BLOC1S3: variants seen among roughly 807,000 people sequenced by gnomAD.
The protein encoded by BLOC1S3 is biogenesis of lysosomal organelles complex 1 subunit 3, also known as biogenesis of lysosome-related organelles complex 1 subunit 3.
A neutral mutation model predicts 9.1 loss-of-function variants in BLOC1S3; 7 were observed. The ratio of observed to expected loss-of-function variants is 0.77; its 90% CI spans 0.44 to 1.45. The LOEUF is 1.45. Among genes scored for constraint, BLOC1S3 ranks in the 40% most tolerant of loss-of-function variants. The pLI, the probability that BLOC1S3 is intolerant of heterozygous loss-of-function variation, is 0.01. For synonymous variants in BLOC1S3, 145 were observed against 158.4 expected (o/e 0.92, Z 0.64); for missense variants, 307 against 315.2 (o/e 0.97, Z 0.20).
Position 45,180,179 on chromosome 19 carries a change from T to A in BLOC1S3, c.*274T>A. The A allele has an allele frequency of 2.7e-6, 1 of 371,054 alleles. No individual in the cohort carries two copies. Among genetic ancestry groups the A allele is most frequent in the Non-Finnish European group, 5.0e-6 (1 of 198,822 alleles). 23.0% of individuals were successfully genotyped at this position (371,054 alleles called of 1,614,324 possible). A position where few individuals can be genotyped will look rare whatever the true frequency, so the allele number is the denominator to read the frequency against. On this transcript the variant is annotated 3_prime_UTR_variant, in exon 2 of 2. Coordinates refer to ENST00000433642, the MANE Select transcript of BLOC1S3 (RefSeq NM_212550.5). ...TCTGAGCCTTCCCCTGGGGCTTGGC[T>A]CCAGCCTTTGTTACATAGTTGCTCC...
rs1472001617 is a variant in BLOC1S3 at position 45,179,889 on chromosome 19, C to G, written c.593C>G (p.Pro198Arg). 3 of 1,608,328 alleles carry G rather than the reference C, an allele frequency of 1.9e-6. No homozygotes were observed. Among genetic ancestry groups the G allele is most frequent in the Non-Finnish European group, 2.5e-6 (3 of 1,177,892 alleles). The change falls in exon 2 of 2, where the codon CCG becomes CGG. Residue 198 changes from proline (P) to arginine (R), a missense_variant. Coordinates refer to ENST00000433642, the MANE Select transcript of BLOC1S3 (RefSeq NM_212550.5). This position sits in a 1 kb window ranked among gnomAD's most constrained non-coding sequence, Gnocchi z 4.6. ...GVPGTEPEKD[P>R]GPRA is the part of the protein sequence containing the mutation. ...CCAGGGACCGAGCCTGAGAAAGACC[C>G]GGGGCCGCGGGCCTAGCCATGATTC...
intron 2 of BLOC1S3, among the ~76,000 whole-genome samples, chr19:45,198,277 AG>A (rs1297687071): frequency 6.6e-6 from 1 of 151,972 alleles, no homozygotes; most frequent in Non-Finnish European, 1.5e-5. Flanking sequence ...CATATGGGGA[AG>A]GGGTTTTTTT....
chr19:45,196,222 C>T (rs1025728825), intron 2 of BLOC1S3, among the ~76,000 whole-genome samples: 2 of 151,946 alleles, frequency 1.3e-5, no homozygotes, highest in South Asian at 4.1e-4. Flanking sequence ...GACAGGATCT[C>T]ATTCTGTTGC....
At chr19:45,185,846 T>C (rs1196263632), downstream of BLOC1S3, among the ~76,000 whole-genome samples, 1 of 152,010 alleles carries the variant, frequency 6.6e-6, no homozygotes, top group African/African-American at 2.4e-5. Flanking sequence ...GTGCGGTGGC[T>C]CATGCCTGTA....
chr19:45,207,555 C>CAAAAAA (rs58164218), intron 3 of BLOC1S3, among the ~76,000 whole-genome samples: 2 of 64,778 alleles, frequency 3.1e-5, no homozygotes, highest in African/African-American at 9.2e-5. Context: ...GACTCTGTCT[C>CAAAAAA]AAAAAAAAAA....
exon 4 of BLOC1S3, chr19:45,216,865 T>C (rs1427865600): frequency 6.6e-6 from 1 of 152,140 alleles, no homozygotes; most frequent in Non-Finnish European, 1.5e-5. Context: ...GACTCCGGGC[T>C]TGGAACTCCA....
intron 3 of BLOC1S3, among the ~76,000 whole-genome samples, chr19:45,209,888 C>T (rs921001385): frequency 2.0e-5 from 3 of 151,418 alleles, no homozygotes; most frequent in Admixed American, 6.6e-5. Context: ...TGCGCCACCA[C>T]GCCCGGCTAA....
chr19:45,199,309 C>CTTTTTTTTTTTTTTTTTTTTTTT (rs34967306), intron 2 of BLOC1S3, among the ~76,000 whole-genome samples: 1 of 72,476 alleles, frequency 1.4e-5, no homozygotes, highest in African/African-American at 6.0e-5. Flanking sequence ...GTGCCTTATT[C>CTTTTTTTTTTTTTTTTTTTTTTT]TTTTTTTTTT....
chr19:45,206,327 A>G (rs1386743535), intron 3 of BLOC1S3, among the ~76,000 whole-genome samples: 1 of 135,378 alleles, frequency 7.4e-6, no homozygotes, highest in Non-Finnish European at 1.5e-5. Context: ...ATTGCACTCT[A>G]GCCTGGATGA....
chr19:45,204,670 A>G (rs111824319), intron 3 of BLOC1S3, among the ~76,000 whole-genome samples: 3,249 of 152,060 alleles, frequency 0.021, 140 homozygotes, highest in African/African-American at 0.073. Context: ...CTCTCTCTCC[A>G]TGCTGCCTCT....
intron 3 of BLOC1S3, among the ~76,000 whole-genome samples, chr19:45,207,184 A>G (rs965094338): frequency 6.7e-6 from 1 of 148,452 alleles, no homozygotes; most frequent in Non-Finnish European, 1.5e-5. Flanking sequence ...CCAGGCTGGA[A>G]TGCAGTGGCA....
chr19:45,197,863 G>C (rs151165051), intron 2 of BLOC1S3, among the ~76,000 whole-genome samples: 10 of 148,540 alleles, frequency 6.7e-5, no homozygotes, highest in African/African-American at 2.0e-4. Context: ...CTAGAAAGGA[G>C]AGTTAGGGAG....
chr19:45,206,840 T>A (rs1969731379), intron 3 of BLOC1S3, among the ~76,000 whole-genome samples: 1 of 151,646 alleles, frequency 6.6e-6, no homozygotes, highest in African/African-American at 2.4e-5. Flanking sequence ...GTTTTATTAT[T>A]TTATTTATTT....
At chr19:45,216,149 C>T in intron 3 of BLOC1S3, 1 of 1,614,004 alleles carries the variant, frequency 6.2e-7, no homozygotes, top group Non-Finnish European at 8.5e-7. Flanking sequence ...TGCATGACTT[C>T]AGCCAAATGG....
At chr19:45,212,460 G>A (rs1040236161) in intron 3 of BLOC1S3, among the ~76,000 whole-genome samples, 20 of 152,102 alleles carry the variant, frequency 1.3e-4, no homozygotes, top group Non-Finnish European at 2.6e-4. Flanking sequence ...GGAAAGGGGC[G>A]GGGGAGCTGG....
chr19:45,195,025 A>G (rs1241248921), intron 2 of BLOC1S3, among the ~76,000 whole-genome samples: 1 of 147,364 alleles, frequency 6.8e-6, no homozygotes, highest in Non-Finnish European at 1.5e-5. Flanking sequence ...TCCGCCTCCC[A>G]GTTCAAGCGA....
chr19:45,207,555 CAAAAAAAAAAAAAAAAAAA>C (rs58164218), intron 3 of BLOC1S3, among the ~76,000 whole-genome samples: 1 of 64,748 alleles, frequency 1.5e-5, no homozygotes, highest in African/African-American at 4.6e-5. Context: ...GACTCTGTCT[CAAAAAAAAAAAAAAAAAAA>C]AAAAAAAAAA....
chr19:45,208,433 G>C (rs946393279), intron 3 of BLOC1S3, among the ~76,000 whole-genome samples: 1 of 151,418 alleles, frequency 6.6e-6, no homozygotes, highest in Non-Finnish European at 1.5e-5. Context: ...ATGGCAAAAC[G>C]CTGTCTCTGC....
downstream of BLOC1S3, among the ~76,000 whole-genome samples, chr19:45,182,797 C>T (rs891040433): frequency 6.6e-6 from 1 of 152,138 alleles, no homozygotes; most frequent in Non-Finnish European, 1.5e-5. Context: ...GGATTACAGG[C>T]ATGAGCCACT....
Sources: allele counts gnomAD v4.1 joint callset (sites outside exome capture counted in the v4.1 genomes callset), GRCh38; gene constraint gnomAD v4.1.1; non-coding constraint Gnocchi (gnomAD v3.1); transcripts MANE v1.5; gene names NCBI Gene and HGNC (gene_info 2026-07-23, HGNC 2026-07-21).